Variants in TECPR1 observed in about 807,000 individuals in gnomAD.
TECPR1 encodes tectonin beta-propeller repeat-containing protein 1.
A neutral mutation model predicts 162.4 loss-of-function variants in TECPR1; 122 were observed. That is an observed-to-expected ratio of 0.75 (90% CI 0.65 to 0.87). The LOEUF (loss-of-function observed/expected upper bound fraction) is 0.87, where lower values mean the gene tolerates loss of function less well. Ranked by LOEUF, TECPR1 falls within the 40% of genes least tolerant of loss-of-function variation. TECPR1 has a pLI of 0.00. For synonymous variants in TECPR1, 642 were observed against 670.6 expected (o/e 0.96, Z 0.66); for missense variants, 1,432 against 1,618.2 (o/e 0.88, Z 1.97).
intron 10 of TECPR1, among the ~76,000 whole-genome samples, chr7:98,234,913 T>A (rs549917103): frequency 2.0e-5 from 3 of 152,074 alleles, no homozygotes; most frequent in Non-Finnish European, 1.5e-5. Flanking sequence ...GGGGTCTCAC[T>A]ATGTTGTCCA....
chr7:98,231,558 T>C (rs1798438188), intron 13 of TECPR1, 185 bp from the exon 14 acceptor site: 1 of 388,210 alleles, frequency 2.6e-6, no homozygotes, highest in African/African-American at 3.2e-5. Flanking sequence ...CCCATTTCTG[T>C]ACCCCCTCCC....
chr7:98,229,595 T>C (rs964833567), intron 15 of TECPR1, among the ~76,000 whole-genome samples: 1 of 152,178 alleles, frequency 6.6e-6, no homozygotes, highest in Non-Finnish European at 1.5e-5. Flanking sequence ...ATCCTCTGCA[T>C]GAGTGACAGC....
Position 98,221,723 on chromosome 7 carries a change from G to A in TECPR1, c.3095C>T (p.Pro1032Leu), listed in dbSNP as rs1057260553. ...GDCWYHIPSPPRQRLKQVSAG... is the reference protein window; with the variant it reads ...GDCWYHIPSPLRQRLKQVSAG... Reference sequence around the variant, plus strand: ...GGACACCTGCTTCAGCCTCTGTCTCGGTGGGGACGGGATGTGGTACCAGCA... The same window carrying A: ...GGACACCTGCTTCAGCCTCTGTCTCAGTGGGGACGGGATGTGGTACCAGCA... Residue 1032 changes from proline to leucine, a missense_variant, in exon 23 of 26, where the codon CCG becomes CTG. Transcript: ENST00000447648. 1.4e-5 allele frequency: 23 copies of A among 1,613,390 alleles called. No individual in the cohort carries two copies. Among genetic ancestry groups the A allele is most frequent in the South Asian group, 2.2e-5 (2 of 91,080 alleles).
At chr7:98,237,044 C>T (rs1798622920) in intron 9 of TECPR1, 123 bp from the exon 10 acceptor site, 1 of 1,125,098 alleles carries the variant, frequency 8.9e-7, no homozygotes, top group Non-Finnish European at 1.2e-6. Flanking sequence ...CTGGGAAGGT[C>T]CATGCTGGGG....
intron 2 of TECPR1, 76 bp from the exon 3 acceptor site, chr7:98,246,241 C>G: frequency 1.2e-6 from 1 of 800,936 alleles, no homozygotes; most frequent in Non-Finnish European, 2.0e-6. Context: ...ACCTGGGAGA[C>G]TTCTACTGTG....
rs3816944 is a variant in TECPR1, at chr7:98,244,831, C to T, written c.408+54G>A. The T allele has an allele frequency of 1.2e-4, 192 of 1,601,878 alleles. 1 individual carries two copies. In the South Asian group the frequency reaches 1.9e-3, roughly 16 times the overall value. On this transcript the variant is annotated intron_variant, in intron 4 of 25. Coordinates refer to ENST00000447648, the MANE Select transcript of TECPR1 (RefSeq NM_015395.3). ...TGCAGGGGACAGAAGCAGGGACAGG[C>T]GGGAGGCACCCCCTCCCCACAGGGC...
intron 9 of TECPR1, 51 bp downstream of exon 9, chr7:98,238,458 C>G: frequency 2.1e-6 from 3 of 1,447,868 alleles, no homozygotes; most frequent in Non-Finnish European, 2.8e-6. Context: ...GCATCAGGAG[C>G]CCCCATTCTG....
chr7:98,230,886 T>C, intron 15 of TECPR1, 75 bp downstream of exon 15: 4 of 1,537,090 alleles, frequency 2.6e-6, no homozygotes, highest in South Asian at 2.5e-5. Flanking sequence ...TCCAGTCCTC[T>C]GGATCCCCCT....
At chr7:98,229,845 C>T (rs925480535) in intron 15 of TECPR1, among the ~76,000 whole-genome samples, 11 of 152,272 alleles carry the variant, frequency 7.2e-5, no homozygotes, top group African/African-American at 2.6e-4. Context: ...GTAATGAAGC[C>T]CAGGACCTCG....
At chr7:98,233,051 C>T in intron 11 of TECPR1, 79 bp from the exon 12 acceptor site, 5 of 1,466,962 alleles carry the variant, frequency 3.4e-6, no homozygotes, top group South Asian at 2.7e-5. Context: ...CTCCCCTCCA[C>T]CAAATCAGCC....
rs564684439 is a variant in TECPR1, at chr7:98,250,382, C to T, written c.-20+1012G>A. 5.9e-5 allele frequency among the ~76,000 whole-genome samples: 9 copies of T among 152,092 alleles called. No individual in the cohort carries two copies. The South Asian group carries it at 1.0e-3, about 18-fold the overall frequency. ...GTAGCTCATGCCTGTAATCCCAGCC[C>T]TTTCCGGGGCTGAGGTGGGAGGATC... On this transcript the variant is annotated intron_variant, in intron 2 of 25. Transcript: ENST00000447648.
At chr7:98,248,533 CAAAAAAAAAAAA>C (rs60387349) in intron 2 of TECPR1, among the ~76,000 whole-genome samples, 11 of 9,608 alleles carry the variant, frequency 1.1e-3, no homozygotes, top group Admixed American at 9.8e-3. Flanking sequence ...CTGCCACCGG[CAAAAAAAAAAAA>C]AAAAAAAAAA....
intron 2 of TECPR1, among the ~76,000 whole-genome samples, chr7:98,249,449 TTCTGGAACCA>T (rs1799006013): frequency 6.6e-6 from 1 of 152,034 alleles, no homozygotes; most frequent in South Asian, 2.1e-4. Flanking sequence ...AACACCAGCT[TTCTGGAACCA>T]TCTGAAACTG....
chr7:98,215,729 A>C lies in TECPR1; in HGVS notation c.*1661T>G, dbSNP rs1797990242. 1 of 152,114 alleles carries C rather than the reference A, an allele frequency of 6.6e-6. No homozygotes were observed. 9.4% of individuals were successfully genotyped at this position (152,114 alleles called of 1,614,324 possible). The stretch of plus-strand genomic sequence containing the variant: ...GAACAAATCGTAATGCCCAGAGAAA[A>C]CCTGATAGTGAAATGTAAACAGACA... On this transcript the variant is annotated 3_prime_UTR_variant, in exon 26 of 26. Transcript: ENST00000447648.
intron 8 of TECPR1, 132 bp from the exon 9 acceptor site, chr7:98,238,742 C>T: frequency 1.3e-6 from 1 of 750,756 alleles, no homozygotes; most frequent in Non-Finnish European, 2.3e-6. Flanking sequence ...AGTGGTACAT[C>T]ATTTAGCGAG....
intron 5 of TECPR1, among the ~76,000 whole-genome samples, chr7:98,244,066 A>G (rs1279309469): frequency 1.3e-5 from 2 of 152,102 alleles, no homozygotes; most frequent in Non-Finnish European, 2.9e-5. Context: ...CTATCTCTAA[A>G]AAGAAAAAAA....
At chr7:98,227,235 T>C (rs1044666669) in intron 17 of TECPR1, among the ~76,000 whole-genome samples, 1 of 151,040 alleles carries the variant, frequency 6.6e-6, no homozygotes, top group Non-Finnish European at 1.5e-5. Flanking sequence ...CTACTAAAAA[T>C]ACGAAAATTA....
intron 17 of TECPR1, 113 bp downstream of exon 17, chr7:98,227,901 C>A: frequency 1.3e-6 from 1 of 766,752 alleles, no homozygotes; most frequent in Non-Finnish European, 2.2e-6. Flanking sequence ...CTGCTGGCGG[C>A]CTGACACCAG....
Position 98,222,115 on chromosome 7 carries a change from G to A in TECPR1, c.3064+271C>T, listed in dbSNP as rs1031502034. Reference sequence around the variant, plus strand: ...GGAGAAGAACAAGCCAGCACAGCCCGTCCTCCCGGGCAGCCACCAGATTGG... The same window carrying A: ...GGAGAAGAACAAGCCAGCACAGCCCATCCTCCCGGGCAGCCACCAGATTGG... On this transcript the variant is annotated intron_variant, in intron 22 of 25. Transcript: ENST00000447648. Among the ~76,000 whole-genome samples, 27 of 152,302 alleles carry A rather than the reference G, an allele frequency of 1.8e-4. No homozygotes were observed. In the South Asian group the frequency reaches 2.1e-3, roughly 12 times the overall value.
Sources: gnomAD v4.1 joint callset for allele counts (sites outside exome capture counted in the v4.1 genomes callset) on GRCh38, gnomAD v4.1.1 for gene constraint, MANE v1.5 for transcripts, NCBI Gene and HGNC (gene_info 2026-07-23, HGNC 2026-07-21) for gene names.